Variants in EYA4 observed in about 807,000 individuals in gnomAD.
The protein encoded by EYA4 is EYA transcriptional coactivator and phosphatase 4, also known as protein phosphatase EYA4.
In EYA4, 31 loss-of-function variants were observed where a neutral mutation model predicts 87.9. That is an observed-to-expected ratio of 0.35 (90% CI 0.27 to 0.48). The LOEUF is 0.48. Ranked by LOEUF, EYA4 falls within the 20% of genes least tolerant of loss-of-function variation. The pLI is 0.99. For missense variants in EYA4, 678 were observed against 761.4 expected, an observed-to-expected ratio of 0.89 and a Z score of 1.29; for synonymous variants, 263 against 270.6, an observed-to-expected ratio of 0.97 and a Z score of 0.28.
intron 2 of EYA4, among the ~76,000 whole-genome samples, chr6:133,355,408 T>C (rs1783939269): frequency 6.6e-6 from 1 of 152,192 alleles, no homozygotes; most frequent in African/African-American, 2.4e-5. Flanking sequence ...CTATTCACAA[T>C]AGCAAAGACA....
chr6:133,292,310 A>G (rs2128298670), intron 2 of EYA4, among the ~76,000 whole-genome samples: 1 of 152,372 alleles, frequency 6.6e-6, no homozygotes, highest in South Asian at 2.1e-4. Flanking sequence ...TCAAAGGAGT[A>G]AATTTTACAC....
At chr6:133,420,791 C>T (rs2128559975) in intron 3 of EYA4, among the ~76,000 whole-genome samples, 1 of 152,286 alleles carries the variant, frequency 6.6e-6, no homozygotes, top group African/African-American at 2.4e-5. Context: ...TACATGCAGA[C>T]AGATAGAGTT....
chr6:133,330,360 C>T (rs1306610434), intron 2 of EYA4, among the ~76,000 whole-genome samples: 4 of 151,970 alleles, frequency 2.6e-5, no homozygotes, highest in Admixed American at 2.0e-4. Flanking sequence ...CAATTGATTG[C>T]TCTGTAATTA....
chr6:133,525,640 G>A (rs1800577850), intron 19 of EYA4, among the ~76,000 whole-genome samples: 1 of 152,070 alleles, frequency 6.6e-6, no homozygotes, highest in South Asian at 2.1e-4. Context: ...GAAAGATTGG[G>A]GGGGAGAATA....
chr6:133,389,222 T>C (rs1217789178), intron 3 of EYA4, among the ~76,000 whole-genome samples: 1 of 152,202 alleles, frequency 6.6e-6, no homozygotes. Context: ...CAAACTGTGA[T>C]ATGAAAGGAG....
intron 2 of EYA4, among the ~76,000 whole-genome samples, chr6:133,356,746 A>AGTGTGTGT (rs58234857): frequency 6.6e-5 from 9 of 136,796 alleles, no homozygotes; most frequent in African/African-American, 1.1e-4. Context: ...AGCATTATTC[A>AGTGTGTGT]GTGTGTGTGT....
At chr6:133,381,405 G>A (rs1193731805) in intron 2 of EYA4, among the ~76,000 whole-genome samples, 2 of 152,058 alleles carry the variant, frequency 1.3e-5, no homozygotes, top group Admixed American at 6.6e-5. Flanking sequence ...AGACAATGCT[G>A]TATCTTCAAA....
chr6:133,436,739 C>G (rs1229784182), intron 3 of EYA4, among the ~76,000 whole-genome samples: 1 of 152,152 alleles, frequency 6.6e-6, no homozygotes, highest in Non-Finnish European at 1.5e-5. Context: ...GACCCATGTC[C>G]ACTTTATGCA....
chr6:133,499,236 C>G (rs1003655243), intron 13 of EYA4, among the ~76,000 whole-genome samples: 1 of 152,138 alleles, frequency 6.6e-6, no homozygotes, highest in Non-Finnish European at 1.5e-5. Flanking sequence ...GCATTTCCTC[C>G]TATAGCCATC....
At chr6:133,462,788 G>GT (rs1457397992) in intron 9 of EYA4, 24 bp downstream of exon 9, 1 of 1,610,652 alleles carries the variant, frequency 6.2e-7, no homozygotes, top group Non-Finnish European at 8.5e-7. Context: ...CATGAAACAT[G>GT]TTTTGGGAGA....
At chr6:133,382,261 G>A (rs1343690168) in intron 2 of EYA4, 131 bp from the exon 3 acceptor site, 2 of 760,488 alleles carry the variant, frequency 2.6e-6, no homozygotes, top group African/African-American at 3.4e-5. Context: ...ACTGTATGCT[G>A]CTGCTGTAAA....
chr6:133,482,597 T>C (rs970464983), intron 12 of EYA4, among the ~76,000 whole-genome samples: 2 of 152,254 alleles, frequency 1.3e-5, no homozygotes, highest in Admixed American at 6.5e-5. Flanking sequence ...GACCCCAGGA[T>C]CTATACTTGA....
At position 133,531,029 on chromosome 6, in the gene EYA4, G is replaced by A. The variant is rs1800979443; in HGVS notation, c.*2224G>A. On this transcript the variant is annotated 3_prime_UTR_variant, in exon 20 of 20. Coordinates refer to ENST00000355286, the MANE Select transcript of EYA4 (RefSeq NM_004100.5). ...TAGCTGGTTTCTTTAAATGTTGATA[G>A]AATTGTGGCATTACATCTAAATTTG... 3.6e-6 allele frequency: 5 copies of A among 1,382,150 alleles called. No individual in the cohort carries two copies. Among genetic ancestry groups the A allele is most frequent in the Non-Finnish European group, 2.8e-6 (3 of 1,070,850 alleles). 85.6% of individuals were successfully genotyped at this position (1,382,150 alleles called of 1,614,324 possible). A position where few individuals can be genotyped will look rare whatever the true frequency, so the allele number is the denominator to read the frequency against.
At chr6:133,247,815 C>CGCCTCTG (rs1240880638) in intron 1 of EYA4, 1 of 151,820 alleles carries the variant, frequency 6.6e-6, no homozygotes, top group Non-Finnish European at 1.5e-5. Flanking sequence ...CGGTGGCCGC[C>CGCCTCTG]GCCTCTGGAG....
In EYA4 at chr6:133,466,225, C is replaced by T. The variant is rs558916601; in HGVS notation, c.804+1367C>T. ...GCAGAGTTGTACTATAAAGGAAAAA[C>T]TGCTCTGCCTCTATTTGGGAGGATT... On this transcript the variant is annotated intron_variant, in intron 10 of 19. Coordinates refer to ENST00000355286, the MANE Select transcript of EYA4 (RefSeq NM_004100.5). Among the ~76,000 whole-genome samples the T allele has an allele frequency of 4.6e-5, 7 of 152,200 alleles. No homozygotes were observed. The South Asian group carries it at 1.5e-3, about 32-fold the overall frequency.
chr6:133,424,455 C>A (rs1201670533), intron 3 of EYA4, among the ~76,000 whole-genome samples: 1 of 152,130 alleles, frequency 6.6e-6, no homozygotes, highest in African/African-American at 2.4e-5. Context: ...AACCCCTGCT[C>A]TGATCTTGGA....
At chr6:133,278,387 CT>C (rs1267519098) in intron 2 of EYA4, among the ~76,000 whole-genome samples, 1 of 152,286 alleles carries the variant, frequency 6.6e-6, no homozygotes, top group African/African-American at 2.4e-5. Flanking sequence ...CCCTACAGGA[CT>C]GAAACCCTAT....
rs143552448 is a variant in EYA4, at chr6:133,417,159, A to G, written c.84-29471A>G. 5.9e-5 allele frequency among the ~76,000 whole-genome samples: 9 copies of G among 152,336 alleles called. No individual in the cohort carries two copies. The East Asian group carries it at 1.5e-3, about 26-fold the overall frequency. On this transcript the variant is annotated intron_variant, in intron 3 of 19. Coordinates refer to ENST00000355286, the MANE Select transcript of EYA4 (RefSeq NM_004100.5). ...GAAGAGATCCAGAATCATTTAGAGC[A>G]AATCTACTGAATTTATTGATGGGGT...
chr6:133,487,540 A>T (rs1210574919), intron 13 of EYA4, among the ~76,000 whole-genome samples: 2 of 152,210 alleles, frequency 1.3e-5, no homozygotes, highest in Non-Finnish European at 2.9e-5. Flanking sequence ...ATACTAACTC[A>T]GTCACAGAAA....
Sources: gnomAD v4.1 joint callset for allele counts (sites outside exome capture counted in the v4.1 genomes callset) on GRCh38, gnomAD v4.1.1 for gene constraint, MANE v1.5 for transcripts, NCBI Gene and HGNC (gene_info 2026-07-23, HGNC 2026-07-21) for gene names.